Variants in ABCB1 observed in about 807,000 individuals in gnomAD.
The protein encoded by ABCB1 is ATP-dependent translocase ABCB1.
A neutral mutation model predicts 142.0 loss-of-function variants in ABCB1; 69 were observed. The observed-to-expected ratio is 0.49, with a 90% CI of 0.40 to 0.59. The LOEUF is 0.59. Among genes scored for constraint, ABCB1 ranks in the 20% least tolerant of loss-of-function variants. The probability of loss-of-function intolerance (pLI) is 0.00; values close to 1 mark genes in which losing one functional copy is unlikely to be tolerated. For missense variants in ABCB1, 1,326 were observed against 1,554.7 expected (o/e 0.85, Z 2.47); for synonymous variants, 532 against 539.2 (o/e 0.99, Z 0.18).
chr7:87,531,501 C>A lies in ABCB1; in HGVS notation c.2482-4G>T. On this transcript the variant is annotated splice_polypyrimidine_tract_variant and splice_region_variant and intron_variant, in intron 20 of 27. Transcript: ENST00000622132. The stretch of plus-strand genomic sequence containing the variant: ...CAGCAAGCCTGGAACCTATAGCCTG[C>A]AAAACAAAACAAATTAGAGAAATTT... 6.2e-7 allele frequency: 1 copy of A among 1,611,840 alleles called. No individual in the cohort carries two copies. The highest frequency in any genetic ancestry group is 8.5e-7 in the Non-Finnish European group (1 of 1,179,232).
rs117820688 is a variant in ABCB1 at position 87,649,642 on chromosome 7, T to C, written c.-330-48564A>G. On this transcript the variant is annotated intron_variant, in intron 1 of 28. Coordinates refer to the ABCB1 transcript ENST00000265724. ...TGATAAGGAAAAATATAGTACACTTTACAGATTTGCAGGTTTTGCTATTTA... is the reference window on the plus strand; with the variant it reads ...TGATAAGGAAAAATATAGTACACTTCACAGATTTGCAGGTTTTGCTATTTA... 3.8e-3 allele frequency among the ~76,000 whole-genome samples: 583 copies of C among 152,306 alleles called. 2 individuals carry two copies. The highest frequency in any genetic ancestry group is 0.012 in the Admixed American group (182 of 15,292).
chr7:87,546,391 A>T (rs777928875), intron 14 of ABCB1, among the ~76,000 whole-genome samples: 9 of 152,046 alleles, frequency 5.9e-5, no homozygotes, highest in Admixed American at 1.3e-4. Context: ...GATCAAGACC[A>T]TCCTGGCTAA....
At chr7:87,542,344 A>G (rs1319071752) in intron 17 of ABCB1, among the ~76,000 whole-genome samples, 3 of 152,220 alleles carry the variant, frequency 2.0e-5, no homozygotes, top group African/African-American at 7.2e-5. Context: ...CCTGGCAACT[A>G]TCTCCAGAAG....
chr7:87,704,925 T>C (rs923930118), intron 1 of ABCB1, among the ~76,000 whole-genome samples: 2 of 152,232 alleles, frequency 1.3e-5, no homozygotes, highest in African/African-American at 2.4e-5. Flanking sequence ...AGCTGCAATC[T>C]TGAATGACTA....
At chr7:87,509,216 A>C (rs2235047) in intron 26 of ABCB1, 59 bp downstream of exon 26, 71,848 of 1,568,672 alleles carry the variant, frequency 0.046, 6,628 homozygotes, top group East Asian at 0.42. Flanking sequence ...TATAAATCAA[A>C]CTATAGGCCA....
chr7:87,604,357 A>G (rs1819571832), upstream of ABCB1, among the ~76,000 whole-genome samples: 1 of 152,180 alleles, frequency 6.6e-6, no homozygotes, highest in Non-Finnish European at 1.5e-5. Context: ...TGAGGCAGAG[A>G]AAGAATACAA....
chr7:87,711,609 A>G (rs1830092795), intron 1 of ABCB1, among the ~76,000 whole-genome samples: 1 of 152,146 alleles, frequency 6.6e-6, no homozygotes, highest in Non-Finnish European at 1.5e-5. Context: ...AAAAGATTTA[A>G]TAATTTTAAT....
At chr7:87,690,207 A>G (rs938462622) in intron 1 of ABCB1, among the ~76,000 whole-genome samples, 2 of 151,732 alleles carry the variant, frequency 1.3e-5, no homozygotes, top group African/African-American at 4.8e-5. Context: ...TATTTTTATT[A>G]CTCTTATTAT....
intron 1 of ABCB1, among the ~76,000 whole-genome samples, chr7:87,671,341 G>A (rs2130520851): frequency 6.6e-6 from 1 of 152,310 alleles, no homozygotes; most frequent in Admixed American, 6.5e-5. Context: ...TTCCCCTAGA[G>A]GCCCTGTCCA....
Position 87,543,820 on chromosome 7 carries a change from C to T in ABCB1, c.2211+309G>A, listed in dbSNP as rs529027929. Reference sequence around the variant, plus strand: ...TGCACATTGGTGAAATGAAAGTTCACAAGATTTGTTCAGAGCCAAATGTTG... The same window carrying T: ...TGCACATTGGTGAAATGAAAGTTCATAAGATTTGTTCAGAGCCAAATGTTG... On this transcript the variant is annotated intron_variant, in intron 17 of 27. Coordinates refer to ENST00000622132, the MANE Select transcript of ABCB1 (RefSeq NM_001348946.2). Among the ~76,000 whole-genome samples the T allele has an allele frequency of 4.6e-5, 7 of 152,268 alleles. 1 individual carries two copies. Among genetic ancestry groups the T allele is most frequent in the African/African-American group, 1.7e-4 (7 of 41,562 alleles).
intron 1 of ABCB1, among the ~76,000 whole-genome samples, chr7:87,667,473 G>A (rs1399276492): frequency 6.6e-6 from 1 of 151,470 alleles, no homozygotes; most frequent in Non-Finnish European, 1.5e-5. Context: ...CTATTTGGAT[G>A]CCCTTTATTT....
chr7:87,530,878 G>GAAAGAAAGAAAAA (rs1816023470), intron 21 of ABCB1, among the ~76,000 whole-genome samples: 1 of 111,316 alleles, frequency 9.0e-6, no homozygotes, highest in Non-Finnish European at 1.9e-5. Flanking sequence ...AGAAAGAAAA[G>GAAAGAAAGAAAAA]AAAGAAAAAG....
chr7:87,640,811 T>G (rs1822371309), intron 1 of ABCB1, among the ~76,000 whole-genome samples: 1 of 152,184 alleles, frequency 6.6e-6, no homozygotes, highest in Non-Finnish European at 1.5e-5. Flanking sequence ...GCTTTGTCTA[T>G]TCTACTGTTT....
chr7:87,687,541 C>G (rs1040087095), intron 1 of ABCB1, among the ~76,000 whole-genome samples: 18 of 152,006 alleles, frequency 1.2e-4, no homozygotes, highest in African/African-American at 3.9e-4. Context: ...TAAGCTTTAC[C>G]AGGACTAAGA....
intron 20 of ABCB1, among the ~76,000 whole-genome samples, chr7:87,532,864 C>T (rs768499323): frequency 1.2e-4 from 18 of 152,150 alleles, no homozygotes; most frequent in Non-Finnish European, 2.2e-4. Flanking sequence ...ATCGGGACCC[C>T]TTTCTAGTAA....
chr7:87,583,145 G>A (rs4728705), intron 4 of ABCB1, among the ~76,000 whole-genome samples: 5,080 of 152,272 alleles, frequency 0.033, 258 homozygotes, highest in African/African-American at 0.11. Context: ...ATGAAAGCCT[G>A]TTGATAATAA....
At chr7:87,698,508 T>TGCAAAA (rs1828712313) in intron 1 of ABCB1, among the ~76,000 whole-genome samples, 3 of 152,242 alleles carry the variant, frequency 2.0e-5, no homozygotes, top group Non-Finnish European at 2.9e-5. Context: ...ATATTTGATG[T>TGCAAAA]TTGTAATCTA....
rs1185744873 is a variant in ABCB1, at chr7:87,566,924, T to A, written c.391A>T (p.Ile131Phe). ...IGAGVLVAAY[I>F]QVSFWCLAAG... ...GCCAGGCACCAAAATGAAACCTGAA[T>A]GTAAGCAGCAACCAGCACCCCAGCA... is the stretch of plus-strand genomic sequence containing the variant. The change falls in exon 6 of 28, where the codon ATT becomes TTT. Residue 131 changes from isoleucine (I) to phenylalanine (F), a missense_variant. Transcript: ENST00000622132. The A allele has an allele frequency of 6.2e-7, 1 of 1,614,004 alleles. No individual in the cohort carries two copies. Among genetic ancestry groups the A allele is most frequent in the African/African-American group, 1.3e-5 (1 of 74,900 alleles).
chr7:87,594,743 C>T (rs1197586789), intron 3 of ABCB1, among the ~76,000 whole-genome samples: 1 of 152,120 alleles, frequency 6.6e-6, no homozygotes, highest in East Asian at 1.9e-4. Flanking sequence ...GCAATGGTAG[C>T]ACAGAGAAAC....
Sources: gnomAD v4.1 joint callset for allele counts (sites outside exome capture counted in the v4.1 genomes callset) on GRCh38, gnomAD v4.1.1 for gene constraint, MANE v1.5 for transcripts, NCBI Gene and HGNC (gene_info 2026-07-23, HGNC 2026-07-21) for gene names.